Variants in SAMD12 observed in about 807,000 individuals in gnomAD.
The protein encoded by SAMD12 is sterile alpha motif domain-containing protein 12.
In SAMD12, 9 loss-of-function variants were observed where a neutral mutation model predicts 15.0. The observed-to-expected ratio is 0.60, with a 90% CI of 0.36 to 1.05. The LOEUF is 1.05. Among genes scored for constraint, SAMD12 ranks in the 50% least tolerant of loss-of-function variants. The probability of loss-of-function intolerance (pLI) is 0.01; values close to 1 mark genes in which losing one functional copy is unlikely to be tolerated. For synonymous variants in SAMD12, 86 were observed against 90.1 expected (o/e 0.96, Z 0.25); for missense variants, 230 against 234.2 (o/e 0.98, Z 0.12).
chr8:118,357,478 G>C (rs907055160), intron 4 of SAMD12, among the ~76,000 whole-genome samples: 2 of 152,106 alleles, frequency 1.3e-5, no homozygotes, highest in Non-Finnish European at 2.9e-5. Context: ...TGATTCTCCT[G>C]TCTTGCCCTC....
intron 4 of SAMD12, among the ~76,000 whole-genome samples, chr8:118,286,927 C>A (rs1369692102): frequency 6.6e-6 from 1 of 152,204 alleles, no homozygotes; most frequent in South Asian, 2.1e-4. Context: ...GTAGCCTGCT[C>A]TCATGTGCCT....
intron 2 of SAMD12, among the ~76,000 whole-genome samples, chr8:118,562,383 A>C (rs1274217196): frequency 6.6e-6 from 1 of 152,094 alleles, no homozygotes; most frequent in Admixed American, 6.5e-5. Flanking sequence ...TGAAAGGCTC[A>C]GAAGTCACTC....
At chr8:118,607,463 C>T (rs1586853284) in intron 1 of SAMD12, among the ~76,000 whole-genome samples, 1 of 152,066 alleles carries the variant, frequency 6.6e-6, no homozygotes, top group Admixed American at 6.5e-5. Context: ...CTTGATCTCC[C>T]GACCTCAGGT....
intron 4 of SAMD12, among the ~76,000 whole-genome samples, chr8:118,336,919 C>T (rs1817106289): frequency 6.6e-6 from 1 of 152,052 alleles, no homozygotes; most frequent in Admixed American, 6.6e-5. Context: ...GGACAGAAAA[C>T]CAAACACTGC....
intron 2 of SAMD12, among the ~76,000 whole-genome samples, chr8:118,513,285 C>T (rs1001718893): frequency 3.3e-5 from 5 of 151,982 alleles, no homozygotes; most frequent in African/African-American, 1.2e-4. Context: ...TTTAAAAACC[C>T]AATAAAGATG....
chr8:118,607,123 T>A (rs1828004407), intron 1 of SAMD12, among the ~76,000 whole-genome samples: 1 of 152,228 alleles, frequency 6.6e-6, no homozygotes, highest in Non-Finnish European at 1.5e-5. Flanking sequence ...CTACCTGGAA[T>A]TAGTTATTGC....
chr8:118,251,797 T>C (rs1812826744), intron 4 of SAMD12, among the ~76,000 whole-genome samples: 1 of 152,086 alleles, frequency 6.6e-6, no homozygotes, highest in Admixed American at 6.6e-5. Flanking sequence ...CTCTCACTGA[T>C]ACAGAACAAG....
chr8:118,401,352 T>C (rs1377925130), intron 3 of SAMD12, among the ~76,000 whole-genome samples: 1 of 152,160 alleles, frequency 6.6e-6, no homozygotes, highest in Non-Finnish European at 1.5e-5. Flanking sequence ...AGGTCCTACA[T>C]ATTTCTGCAT....
intron 2 of SAMD12, among the ~76,000 whole-genome samples, chr8:118,494,962 A>C (rs1824564999): frequency 6.6e-6 from 1 of 152,202 alleles, no homozygotes. Flanking sequence ...AGCAAGTTTC[A>C]TAAACTTCCC....
At chr8:118,508,445 TTTTTG>T (rs1279741046) in intron 2 of SAMD12, among the ~76,000 whole-genome samples, 2 of 145,234 alleles carry the variant, frequency 1.4e-5, no homozygotes, top group Non-Finnish European at 2.9e-5. Context: ...ACAAGTTTCT[TTTTTG>T]TTTTGTTTCT....
intron 1 of SAMD12, among the ~76,000 whole-genome samples, chr8:118,603,461 T>C (rs977439639): frequency 1.3e-5 from 2 of 152,182 alleles, no homozygotes; most frequent in African/African-American, 4.8e-5. Flanking sequence ...CTAGAATATA[T>C]TAGACACTTC....
intron 4 of SAMD12, among the ~76,000 whole-genome samples, chr8:118,226,874 G>A (rs2451134): frequency 2.0e-5 from 3 of 152,134 alleles, no homozygotes; most frequent in South Asian, 4.1e-4. Flanking sequence ...TGTGTGTGTA[G>A]AAAACTGAGG....
chr8:118,597,956 T>C (rs1177776699), intron 1 of SAMD12, among the ~76,000 whole-genome samples: 3 of 152,192 alleles, frequency 2.0e-5, no homozygotes, highest in Non-Finnish European at 2.9e-5. Flanking sequence ...GTGGGCAGCA[T>C]GCTGTACATA....
intron 4 of SAMD12, among the ~76,000 whole-genome samples, chr8:118,338,706 C>T (rs1256770958): frequency 6.6e-6 from 1 of 152,202 alleles, no homozygotes; most frequent in East Asian, 1.9e-4. Context: ...TTCTGTTTTG[C>T]ACACAGAAAG....
chr8:118,355,413 C>T (rs1818182799), intron 4 of SAMD12, among the ~76,000 whole-genome samples: 1 of 152,122 alleles, frequency 6.6e-6, no homozygotes, highest in Non-Finnish European at 1.5e-5. Flanking sequence ...AGACTGGGTT[C>T]AGTGTACACT....
intron 4 of SAMD12, among the ~76,000 whole-genome samples, chr8:118,249,130 A>G (rs937466103): frequency 6.6e-6 from 1 of 152,076 alleles, no homozygotes; most frequent in Non-Finnish European, 1.5e-5. Flanking sequence ...CTTACATATC[A>G]CTTCATTTAT....
intron 2 of SAMD12, among the ~76,000 whole-genome samples, chr8:118,546,809 A>T (rs1175100240): frequency 6.6e-6 from 1 of 152,162 alleles, no homozygotes; most frequent in Non-Finnish European, 1.5e-5. Flanking sequence ...ACACAGACTC[A>T]TTGGGAACTG....
At chr8:118,553,295 C>T (rs1300736413) in intron 2 of SAMD12, among the ~76,000 whole-genome samples, 3 of 152,158 alleles carry the variant, frequency 2.0e-5, no homozygotes, top group South Asian at 2.1e-4. Context: ...TACAAGGCTA[C>T]AGTAACCAAA....
Position 118,420,933 on chromosome 8 carries a change from C to A in SAMD12, c.322+18899G>T, listed in dbSNP as rs185206124. Among the ~76,000 whole-genome samples the A allele has an allele frequency of 2.0e-3, 307 of 152,294 alleles. 2 individuals are homozygous for A. Among genetic ancestry groups the A allele is most frequent in the Middle Eastern group, 3.4e-3 (1 of 294 alleles). On this transcript the variant is annotated intron_variant, in intron 3 of 3. Coordinates refer to ENST00000314727, the MANE Select transcript of SAMD12 (RefSeq NM_207506.3). ...TAAATAAAGTTTCATTGGAATACAACCACTTCTTTCATTTATATACTACAA... is the reference window on the plus strand; with the variant it reads ...TAAATAAAGTTTCATTGGAATACAAACACTTCTTTCATTTATATACTACAA...
Sources: gnomAD v4.1 joint callset for allele counts (sites outside exome capture counted in the v4.1 genomes callset) on GRCh38, gnomAD v4.1.1 for gene constraint, MANE v1.5 for transcripts, NCBI Gene and HGNC (gene_info 2026-07-23, HGNC 2026-07-21) for gene names.